Variants in AANAT observed in about 807,000 individuals in gnomAD.
AANAT encodes aralkylamine N-acetyltransferase.
A neutral mutation model predicts 15.6 loss-of-function variants in AANAT; 11 were observed. That is an observed-to-expected ratio of 0.71 (90% CI 0.44 to 1.17). The LOEUF is 1.17. Among genes scored for constraint, AANAT ranks in the 50% most tolerant of loss-of-function variants. The pLI, the probability that AANAT is intolerant of heterozygous loss-of-function variation, is 0.00. For missense variants in AANAT, 286 were observed against 296.3 expected, an observed-to-expected ratio of 0.97 and a Z score of 0.26; for synonymous variants, 139 against 131.5, an observed-to-expected ratio of 1.06 and a Z score of -0.39.
chr17:76,464,053 A>G (rs1395112050), upstream of AANAT, among the ~76,000 whole-genome samples: 1 of 152,076 alleles, frequency 6.6e-6, no homozygotes, highest in Non-Finnish European at 1.5e-5. Context: ...AATATTCTGG[A>G]GTCCTGCCTG....
At chr17:76,460,241 C>T (rs555880330) in intron 2 of AANAT, among the ~76,000 whole-genome samples, 20 of 146,162 alleles carry the variant, frequency 1.4e-4, no homozygotes, top group African/African-American at 3.8e-4. Context: ...CTCCGCATCC[C>T]GGGTTCAAGA....
At chr17:76,454,199 G>A (rs749809087) in intron 1 of AANAT, among the ~76,000 whole-genome samples, 4 of 152,124 alleles carry the variant, frequency 2.6e-5, no homozygotes, top group South Asian at 2.1e-4. Flanking sequence ...AAAGTAGGCC[G>A]GGCGCGGCAG....
At chr17:76,455,692 C>T (rs796879795) in intron 1 of AANAT, among the ~76,000 whole-genome samples, 12 of 152,294 alleles carry the variant, frequency 7.9e-5, no homozygotes, top group African/African-American at 2.6e-4. Context: ...GTGTTGTTTA[C>T]AGGATCCTGA....
At chr17:76,460,887 G>A (rs1010511638) in intron 2 of AANAT, among the ~76,000 whole-genome samples, 2 of 152,112 alleles carry the variant, frequency 1.3e-5, no homozygotes, top group East Asian at 1.9e-4. Context: ...ACTCTGGGCC[G>A]GGCGTGGTGG....
intron 2 of AANAT, among the ~76,000 whole-genome samples, chr17:76,460,633 C>CTTAA (rs754503758): frequency 2.6e-5 from 4 of 152,266 alleles, no homozygotes; most frequent in Admixed American, 6.5e-5. Flanking sequence ...GCTACTAGAA[C>CTTAA]ATTTAAAATC....
chr17:76,469,264 C>A lies in AANAT; in HGVS notation c.255C>A (p.Phe85Leu). 1.2e-6 allele frequency: 2 copies of A among 1,614,160 alleles called. No individual in the cohort carries two copies. Among genetic ancestry groups the A allele is most frequent in the Non-Finnish European group, 1.7e-6 (2 of 1,180,036 alleles). ...GTCCAGAGCTGTCCCTGGGCTGGTT[C>A]GAGGAGGGCTGCCTTGTGGCCTTCA... ...TLCPELSLGW[F>L]EEGCLVAFII... Residue 85 changes from phenylalanine to leucine, a missense_variant, in exon 3 of 4, where the codon TTC (phenylalanine) becomes TTA (leucine). By Grantham distance (22) the Phe-to-Leu change is conservative. Coordinates refer to ENST00000392492, the MANE Select transcript of AANAT (RefSeq NM_001088.3). The surrounding 1 kb of genome is among the most constrained non-coding windows in gnomAD (Gnocchi z 5.2).
chr17:76,469,198 C>G lies in AANAT; in HGVS notation c.189C>G (p.Cys63Trp), dbSNP rs550099296. The G allele has an allele frequency of 1.9e-6, 3 of 1,614,156 alleles. No homozygotes were observed. The highest frequency in any genetic ancestry group is 2.2e-5 in the South Asian group (2 of 91,090). ...REAFISVLGV[C>W]PLYLDEIRHF... ...CCTTCATCTCCGTCTTGGGCGTCTG[C>G]CCCCTGTACCTGGATGAGATCCGGC... Residue 63 changes from cysteine (C) to tryptophan (W), a missense_variant, in exon 3 of 4, where the codon TGC becomes TGG. Coordinates refer to ENST00000392492, the MANE Select transcript of AANAT (RefSeq NM_001088.3). The surrounding 1 kb of genome is among the most constrained non-coding windows in gnomAD (Gnocchi z 5.2).
At position 76,453,917 on chromosome 17, in the gene AANAT, T is replaced by C. The variant is rs578042341; in HGVS notation, c.-576+135T>C. On this transcript the variant is annotated intron_variant, in intron 1 of 6. Transcript: ENST00000250615. ...TAAGAGTGGGGACCACGGATTCCAATTTTTGGCACTGCCACTTACTAATCT... is the reference window on the plus strand; with the variant it reads ...TAAGAGTGGGGACCACGGATTCCAACTTTTGGCACTGCCACTTACTAATCT... 299 of 152,370 alleles carry C rather than the reference T, an allele frequency of 2.0e-3. 2 individuals carry two copies. Among genetic ancestry groups the C allele is most frequent in the African/African-American group, 6.4e-3 (265 of 41,582 alleles). The allele number at this position is 152,370 out of a possible 1,614,324, so 9.4% of individuals were successfully genotyped here.
chr17:76,457,034 G>A (rs573541213), intron 1 of AANAT, among the ~76,000 whole-genome samples: 8 of 152,216 alleles, frequency 5.3e-5, no homozygotes, highest in African/African-American at 1.7e-4. Flanking sequence ...ATAAGGCAGT[G>A]CAGACCTCAA....
rs769678928 is a variant in AANAT at position 76,468,863 on chromosome 17, C to T, written c.117C>T (p.Cys39=). The T allele has an allele frequency of 2.5e-6, 4 of 1,613,646 alleles. No homozygotes were observed. The highest frequency in any genetic ancestry group is 1.1e-5 in the South Asian group (1 of 91,084). Residue 39 remains cysteine, a synonymous_variant, in exon 2 of 4, where the codon TGC becomes TGT. Transcript: ENST00000392492. ...RHTLPASEFR[C]LTPEDAVSAF... is the part of the protein sequence containing the mutation. ...CACTCCCTGCCAGTGAGTTTCGCTG[C>T]CTCACCCCGGAGGACGCTGTCAGCG...
chr17:76,460,296 CCCA>C (rs1432600572), intron 2 of AANAT, among the ~76,000 whole-genome samples: 1 of 151,664 alleles, frequency 6.6e-6, no homozygotes, highest in African/African-American at 2.4e-5. Flanking sequence ...TTACAAATGC[CCCA>C]CCACCACACC....
chr17:76,462,717 G>T (rs532053767), upstream of AANAT, among the ~76,000 whole-genome samples: 4 of 152,306 alleles, frequency 2.6e-5, no homozygotes, highest in East Asian at 5.8e-4. Context: ...AGACGATAAC[G>T]CGAGATGTGC....
chr17:76,463,309 C>CTTTTTTTTTTT (rs60885549), upstream of AANAT, among the ~76,000 whole-genome samples: 593 of 111,878 alleles, frequency 5.3e-3, 17 homozygotes, highest in African/African-American at 0.017. Context: ...GGAAGGATTC[C>CTTTTTTTTTTT]TTTTTTTTTT....
chr17:76,464,990 T>A (rs184663742), upstream of AANAT, among the ~76,000 whole-genome samples: 137 of 151,034 alleles, frequency 9.1e-4, no homozygotes, highest in African/African-American at 3.2e-3. Flanking sequence ...AGAGACGGAG[T>A]TTCACCATAT....
At chr17:76,463,230 C>T (rs976057061), upstream of AANAT, among the ~76,000 whole-genome samples, 2 of 152,086 alleles carry the variant, frequency 1.3e-5, no homozygotes, top group Admixed American at 1.3e-4. Context: ...GGCCTCTGCA[C>T]TCCACCTCTC....
chr17:76,454,762 G>A (rs1047962281), intron 1 of AANAT, among the ~76,000 whole-genome samples: 1 of 152,162 alleles, frequency 6.6e-6, no homozygotes, highest in African/African-American at 2.4e-5. Flanking sequence ...GGCAGAAGTT[G>A]CAGTGAGCCG....
upstream of AANAT, among the ~76,000 whole-genome samples, chr17:76,466,736 C>T (rs550115167): frequency 2.6e-5 from 4 of 152,274 alleles, no homozygotes; most frequent in Admixed American, 6.5e-5. Context: ...CTCATTTGGC[C>T]GGGCTTCCGT....
upstream of AANAT, chr17:76,467,424 G>C: frequency 1.2e-5 from 6 of 496,566 alleles, no homozygotes; most frequent in Non-Finnish European, 1.6e-5. Flanking sequence ...CCCAAACCCT[G>C]GGGCCTCAGT....
upstream of AANAT, chr17:76,466,048 C>A: frequency 1.2e-6 from 1 of 808,180 alleles, no homozygotes; most frequent in African/African-American, 1.7e-5. Context: ...GGTTCTAGAC[C>A]TCTAGGGTGT....
Sources: gnomAD v4.1 joint callset for allele counts (sites outside exome capture counted in the v4.1 genomes callset) on GRCh38, gnomAD v4.1.1 for gene constraint, Gnocchi (gnomAD v3.1) non-coding constraint, MANE v1.5 for transcripts, NCBI Gene and HGNC (gene_info 2026-07-23, HGNC 2026-07-21) for gene names.